The following DCC variants were observed in gnomAD, a reference collection of about 807,000 sequenced individuals.
DCC encodes DCC netrin 1 receptor.
DCC carries 58 observed loss-of-function variants against 172.5 expected under a neutral mutation model. That is an observed-to-expected ratio of 0.34 (90% CI 0.27 to 0.42). DCC has a LOEUF of 0.42. DCC is among the 10% of genes least tolerant of loss of function. The probability of loss-of-function intolerance (pLI) is 1.00; values close to 1 mark genes in which losing one functional copy is unlikely to be tolerated. For missense variants in DCC, 1,740 were observed against 1,791.0 expected (o/e 0.97, Z 0.51); for synonymous variants, 709 against 644.5 (o/e 1.10, Z -1.52).
At chr18:52,531,208 C>A (rs2144684362) in intron 1 of DCC, among the ~76,000 whole-genome samples, 1 of 152,242 alleles carries the variant, frequency 6.6e-6, no homozygotes, top group Non-Finnish European at 1.5e-5. Flanking sequence ...AGCAAGCTAC[C>A]TGGTGTATTA....
intron 2 of DCC, among the ~76,000 whole-genome samples, chr18:52,825,725 A>G (rs17385890): frequency 0.039 from 5,981 of 152,164 alleles, 176 homozygotes; most frequent in Admixed American, 0.059. Flanking sequence ...AACATTATGA[A>G]CAAGCCTCAA....
chr18:53,243,858 T>C (rs1323667202), intron 12 of DCC, among the ~76,000 whole-genome samples: 1 of 152,184 alleles, frequency 6.6e-6, no homozygotes, highest in Non-Finnish European at 1.5e-5. Context: ...TTTCTTTTTA[T>C]TAAATATTTT....
intron 12 of DCC, among the ~76,000 whole-genome samples, 188 bp downstream of exon 12, chr18:53,215,785 A>G (rs1479477535): frequency 6.6e-6 from 1 of 152,190 alleles, no homozygotes; most frequent in African/African-American, 2.4e-5. Flanking sequence ...ATTAAATGAA[A>G]TATTTGTCTA....
chr18:52,516,674 G>C (rs1488747661), intron 1 of DCC, among the ~76,000 whole-genome samples: 1 of 152,160 alleles, frequency 6.6e-6, no homozygotes. Context: ...ACATCAAAGT[G>C]CATTAAATAC....
intron 1 of DCC, among the ~76,000 whole-genome samples, chr18:52,515,432 C>T (rs1354897909): frequency 2.0e-5 from 3 of 150,684 alleles, no homozygotes; most frequent in Non-Finnish European, 3.0e-5. Context: ...ACGGTAAAAC[C>T]CTGTCTCTAC....
intron 1 of DCC, among the ~76,000 whole-genome samples, chr18:52,584,728 C>T (rs2033632025): frequency 1.3e-5 from 2 of 150,286 alleles, no homozygotes; most frequent in African/African-American, 4.9e-5. Flanking sequence ...TTTGGAGAGA[C>T]ATGGTCTCGC....
At chr18:52,411,311 C>T (rs916928811) in intron 1 of DCC, among the ~76,000 whole-genome samples, 9 of 152,132 alleles carry the variant, frequency 5.9e-5, no homozygotes, top group African/African-American at 2.2e-4. Context: ...AATGCTACCC[C>T]TTCTTCAGCT....
In DCC at chr18:52,969,584, A is replaced by ACTCTCTCT. The variant is rs56024197; in HGVS notation, c.985+44245_985+44252dup. 8.3e-3 allele frequency among the ~76,000 whole-genome samples: 987 copies of ACTCTCTCT among 119,422 alleles called. 19 individuals carry two copies. Among genetic ancestry groups the ACTCTCTCT allele is most frequent in the South Asian group, 0.032 (97 of 3,058 alleles). The allele number at this position is 119,422 out of a possible 152,430, so 78.3% of individuals were successfully genotyped here. A position where few individuals can be genotyped will look rare whatever the true frequency, so the allele number is the denominator to read the frequency against. The stretch of plus-strand genomic sequence containing the variant: ...AATTTCCTTATTTGCCCCGCCCCCC[A>ACTCTCTCT]CTCTCTCTCTCTCTCTCTCTCTCTC... On this transcript the variant is annotated intron_variant, in intron 5 of 28. Coordinates refer to ENST00000442544, the MANE Select transcript of DCC (RefSeq NM_005215.4).
intron 3 of DCC, among the ~76,000 whole-genome samples, chr18:52,920,569 C>A (rs930051545): frequency 2.0e-5 from 3 of 151,960 alleles, no homozygotes; most frequent in South Asian, 2.1e-4. Flanking sequence ...GGATGTAGAA[C>A]TTTTTTTGCT....
chr18:52,505,177 T>C (rs761028749), intron 1 of DCC, among the ~76,000 whole-genome samples: 18 of 151,374 alleles, frequency 1.2e-4, no homozygotes, highest in Non-Finnish European at 2.1e-4. Context: ...CAGCAAACAG[T>C]TGGTTTCTGT....
intron 13 of DCC, among the ~76,000 whole-genome samples, chr18:53,315,570 C>T (rs938153637): frequency 6.6e-6 from 1 of 152,104 alleles, no homozygotes; most frequent in Non-Finnish European, 1.5e-5. Flanking sequence ...CTAATTTACA[C>T]TCCCACCAAC....
intron 2 of DCC, among the ~76,000 whole-genome samples, chr18:52,842,604 G>A (rs1051871738): frequency 2.0e-5 from 3 of 152,168 alleles, no homozygotes; most frequent in Non-Finnish European, 4.4e-5. Flanking sequence ...AACCAAGTTT[G>A]TGTGCATCAC....
chr18:53,257,067 C>T (rs1020507289), intron 12 of DCC, among the ~76,000 whole-genome samples: 1 of 152,116 alleles, frequency 6.6e-6, no homozygotes, highest in African/African-American at 2.4e-5. Flanking sequence ...GATTTTGTAT[C>T]CTGAGACTTT....
chr18:52,460,913 A>G (rs1278816927), intron 1 of DCC, among the ~76,000 whole-genome samples: 1 of 152,226 alleles, frequency 6.6e-6, no homozygotes, highest in Non-Finnish European at 1.5e-5. Context: ...ACACTATTGT[A>G]GATTTTATAA....
At chr18:53,182,118 C>A (rs1299522328) in intron 9 of DCC, among the ~76,000 whole-genome samples, 1 of 152,132 alleles carries the variant, frequency 6.6e-6, no homozygotes, top group Non-Finnish European at 1.5e-5. Context: ...AATGATAAGG[C>A]ATAAAATAAC....
intron 1 of DCC, among the ~76,000 whole-genome samples, chr18:52,451,770 G>A (rs974305748): frequency 6.6e-5 from 10 of 152,110 alleles, no homozygotes; most frequent in African/African-American, 1.9e-4. Flanking sequence ...TCGGCTCGTA[G>A]GGCTGGGTCC....
chr18:52,989,533 A>T (rs2041348857), intron 5 of DCC, among the ~76,000 whole-genome samples: 1 of 152,180 alleles, frequency 6.6e-6, no homozygotes, highest in East Asian at 1.9e-4. Flanking sequence ...CAAAGAAAAA[A>T]AATTGTTTCC....
At chr18:52,976,617 T>C (rs1438976247) in intron 5 of DCC, among the ~76,000 whole-genome samples, 1 of 152,220 alleles carries the variant, frequency 6.6e-6, no homozygotes, top group African/African-American at 2.4e-5. Flanking sequence ...AAATGTAATC[T>C]CTCCCTTTCA....
chr18:52,862,925 C>G (rs556471305), intron 2 of DCC, among the ~76,000 whole-genome samples: 2 of 152,154 alleles, frequency 1.3e-5, no homozygotes, highest in East Asian at 1.9e-4. Context: ...ACACAAATAT[C>G]TTGTTCCAAG....
Sources: allele counts gnomAD v4.1 joint callset (sites outside exome capture counted in the v4.1 genomes callset), GRCh38; gene constraint gnomAD v4.1.1; transcripts MANE v1.5; gene names NCBI Gene and HGNC (gene_info 2026-07-23, HGNC 2026-07-21).